Variants in HPS5 observed in about 807,000 individuals in gnomAD.
HPS5 encodes BLOC-2 complex member HPS5.
A neutral mutation model predicts 128.0 loss-of-function variants in HPS5; 83 were observed. The ratio of observed to expected loss-of-function variants is 0.65; its 90% CI spans 0.54 to 0.78. The LOEUF is 0.78. HPS5 is among the 30% of genes least tolerant of loss of function. The pLI, the probability that HPS5 is intolerant of heterozygous loss-of-function variation, is 0.00. For missense variants in HPS5, 1,281 were observed against 1,326.2 expected, an observed-to-expected ratio of 0.97 and a Z score of 0.53; for synonymous variants, 475 against 470.2, an observed-to-expected ratio of 1.01 and a Z score of -0.13.
Position 18,306,344 on chromosome 11 carries a change from T to A in HPS5, c.615A>T (p.Glu205Asp), listed in dbSNP as rs772600215. The A allele has an allele frequency of 1.5e-5, 24 of 1,610,848 alleles. No individual in the cohort carries two copies. The Admixed American group carries it at 4.0e-4, about 27-fold the overall frequency. Residue 205 changes from glutamate (E) to aspartate (D), a missense_variant, in exon 7 of 23, where the codon GAA (glutamate) becomes GAT (aspartate). Transcript: ENST00000349215. The part of the protein sequence containing the change: ...TRSFLCDTER[E>D]KFWKIGNKER... ...CCTTGTTTCCAATTTTCCAAAACTT[T>A]TCTCTAACATCCAGAAAGGAAGAGA...
intron 14 of HPS5, among the ~76,000 whole-genome samples, chr11:18,294,669 AC>A (rs1860834391): frequency 1.3e-5 from 2 of 152,196 alleles, no homozygotes; most frequent in African/African-American, 2.4e-5. Flanking sequence ...TTTATAAGCT[AC>A]ACAAACAATC....
rs751391016 is a variant in HPS5 at position 18,312,041 on chromosome 11, A to G, written c.109-17T>C. The G allele has an allele frequency of 6.4e-7, 1 of 1,570,008 alleles. No individual in the cohort carries two copies. Among genetic ancestry groups the G allele is most frequent in the East Asian group, 2.2e-5 (1 of 44,630 alleles). ...GCTCGTGCACTAAAAACATGTGAAGAGAAGTGTGAGATAATCACAGCTACT... is the reference window on the plus strand; with the variant it reads ...GCTCGTGCACTAAAAACATGTGAAGGGAAGTGTGAGATAATCACAGCTACT... On this transcript the variant is annotated splice_polypyrimidine_tract_variant and intron_variant, in intron 2 of 22. Transcript: ENST00000349215.
intron 9 of HPS5, among the ~76,000 whole-genome samples, chr11:18,299,852 T>TCA (rs1397448537): frequency 2.0e-5 from 3 of 152,188 alleles, no homozygotes; most frequent in Non-Finnish European, 4.4e-5. Flanking sequence ...GACACTATGT[T>TCA]AAGTGAAATA....
Position 18,279,489 on chromosome 11 carries a change from T to C in HPS5, c.*393A>G, listed in dbSNP as rs1858599198. Reference sequence around the variant, plus strand: ...CAGTCAATAATACCATCTGTCTTCATGTGACCAGGATGAAAAGCTTCTGCT... The same window carrying C: ...CAGTCAATAATACCATCTGTCTTCACGTGACCAGGATGAAAAGCTTCTGCT... On this transcript the variant is annotated 3_prime_UTR_variant, in exon 23 of 23. Coordinates refer to ENST00000349215, the MANE Select transcript of HPS5 (RefSeq NM_181507.2). The C allele has an allele frequency of 4.4e-6, 1 of 229,222 alleles. No homozygotes were observed. Among genetic ancestry groups the C allele is most frequent in the South Asian group, 6.3e-5 (1 of 15,750 alleles). The allele number at this position is 229,222 out of a possible 1,614,324, so 14.2% of individuals were successfully genotyped here. A position where few individuals can be genotyped will look rare whatever the true frequency, so the allele number is the denominator to read the frequency against.
At position 18,296,721 on chromosome 11, in the gene HPS5, C is replaced by G. The variant is rs763795367; in HGVS notation, c.1510+77G>C. On this transcript the variant is annotated intron_variant, in intron 12 of 22. Transcript: ENST00000349215. Reference sequence around the variant, plus strand: ...TAACACTTCAGAGAAATTCCGTGCACAAGATAATCCTGGTAACAGGAGCTC... The same window carrying G: ...TAACACTTCAGAGAAATTCCGTGCAGAAGATAATCCTGGTAACAGGAGCTC... 19 of 1,317,112 alleles carry G rather than the reference C, an allele frequency of 1.4e-5. No homozygotes were observed. In the South Asian group the frequency reaches 1.8e-4, roughly 12 times the overall value. 81.6% of individuals were successfully genotyped at this position (1,317,112 alleles called of 1,614,324 possible).
intron 2 of HPS5, among the ~76,000 whole-genome samples, chr11:18,312,293 G>T (rs1307940893): frequency 6.6e-6 from 1 of 152,200 alleles, no homozygotes; most frequent in Non-Finnish European, 1.5e-5. Flanking sequence ...GCAAACGCTG[G>T]CTGTTAAGAC....
At chr11:18,302,939 G>A (rs73430884) in intron 8 of HPS5, among the ~76,000 whole-genome samples, 2,948 of 149,858 alleles carry the variant, frequency 0.02, 103 homozygotes, top group African/African-American at 0.069. Flanking sequence ...AGATTAGATG[G>A]GGGGCTGAGG....
At chr11:18,286,894 T>C in intron 18 of HPS5, 184 bp from the exon 19 acceptor site, 2 of 582,450 alleles carry the variant, frequency 3.4e-6, no homozygotes, top group South Asian at 5.4e-5. Flanking sequence ...AAAGAAAATG[T>C]CAAAGGGCCA....
intron 20 of HPS5, among the ~76,000 whole-genome samples, chr11:18,284,417 G>T (rs141023607): frequency 7.7e-4 from 117 of 152,186 alleles, no homozygotes; most frequent in South Asian, 1.7e-3. Context: ...TCCTTTTGCT[G>T]CCCTACTAAT....
Position 18,291,735 on chromosome 11 carries a change from G to C in HPS5, c.2147C>G (p.Ser716Cys). Residue 716 changes from serine to cysteine, a missense_variant, in exon 16 of 23, where the codon TCT becomes TGT. Ser to Cys is a moderately radical substitution (Grantham distance 112). Coordinates refer to ENST00000349215, the MANE Select transcript of HPS5 (RefSeq NM_181507.2). ...ACATATTTGAAACAGGTCATCCAAAGACTCCCTTGGACTCCTTACACATTC... is the reference window on the plus strand; with the variant it reads ...ACATATTTGAAACAGGTCATCCAAACACTCCCTTGGACTCCTTACACATTC... ...ACECVRSPRESLDDLFQICSP... is the reference protein window; with the variant it reads ...ACECVRSPRECLDDLFQICSP... The C allele has an allele frequency of 6.2e-7, 1 of 1,614,164 alleles. No homozygotes were observed. The highest frequency in any genetic ancestry group is 8.5e-7 in the Non-Finnish European group (1 of 1,180,004).
Position 18,305,368 on chromosome 11 carries a change from T to C in HPS5, c.896+54A>G. The C allele has an allele frequency of 3.4e-6, 4 of 1,186,314 alleles. 1 individual carries two copies. Among genetic ancestry groups the C allele is most frequent in the South Asian group, 2.5e-5 (2 of 80,684 alleles). The allele number at this position is 1,186,314 out of a possible 1,614,324, so 73.5% of individuals were successfully genotyped here. A position where few individuals can be genotyped will look rare whatever the true frequency, so the allele number is the denominator to read the frequency against. ...ACTACTTCTGAACAAGAAACAGAGA[T>C]AAAAATCTAAGTATTCTTTTTCCCC... On this transcript the variant is annotated intron_variant, in intron 8 of 22. Transcript: ENST00000349215.
rs1274716839 is a variant in HPS5 at position 18,296,046 on chromosome 11, T to C, written c.1587A>G (p.Pro529=). The change falls in exon 13 of 23, where the codon CCA becomes CCG. Residue 529 remains proline (P), a synonymous_variant. Coordinates refer to ENST00000349215, the MANE Select transcript of HPS5 (RefSeq NM_181507.2). Reference sequence around the variant, plus strand: ...ACACAAGAGGAGATGGAGAACGAAATGGTAATGGAATGCCGAACGGGAGAA... The same window carrying C: ...ACACAAGAGGAGATGGAGAACGAAACGGTAATGGAATGCCGAACGGGAGAA... The part of the protein sequence containing the change: ...ETFLPFGIPL[P]FRSPSPLVSL... The C allele has an allele frequency of 1.9e-6, 3 of 1,613,570 alleles. No individual in the cohort carries two copies. Among genetic ancestry groups the C allele is most frequent in the Admixed American group, 3.3e-5 (2 of 60,000 alleles).
intron 13 of HPS5, among the ~76,000 whole-genome samples, chr11:18,295,590 A>G (rs1860958144): frequency 6.6e-6 from 1 of 152,250 alleles, no homozygotes; most frequent in Non-Finnish European, 1.5e-5. Flanking sequence ...TGAGCAGTTA[A>G]GTAGCTGCAC....
chr11:18,292,209 CTTTTT>C (rs5790031), intron 15 of HPS5, among the ~76,000 whole-genome samples, 190 bp from the exon 16 acceptor site: 3 of 135,768 alleles, frequency 2.2e-5, no homozygotes, highest in East Asian at 2.2e-4. Context: ...TAGTGTTTTA[CTTTTT>C]TTTTTTTTTT....
chr11:18,281,063 T>C (rs555380097), intron 22 of HPS5, among the ~76,000 whole-genome samples: 5 of 151,634 alleles, frequency 3.3e-5, no homozygotes, highest in African/African-American at 1.2e-4. Flanking sequence ...ACTGAGACAT[T>C]AGGTATCTGG....
In HPS5 at chr11:18,278,691, A is replaced by G. The variant is rs146882782; in HGVS notation, c.*1191T>C. On this transcript the variant is annotated 3_prime_UTR_variant, in exon 23 of 23. Coordinates refer to ENST00000349215, the MANE Select transcript of HPS5 (RefSeq NM_181507.2). ...AGTTGAATTGTTCAGTGCATCCAAC[A>G]CTTTACTTACTCCACACCTTTCTGC... is the stretch of plus-strand genomic sequence containing the variant. 118 of 152,342 alleles carry G rather than the reference A, an allele frequency of 7.7e-4. No individual in the cohort carries two copies. Among genetic ancestry groups the G allele is most frequent in the African/African-American group, 2.7e-3 (114 of 41,570 alleles). 9.4% of individuals were successfully genotyped at this position (152,342 alleles called of 1,614,324 possible). A position where few individuals can be genotyped will look rare whatever the true frequency, so the allele number is the denominator to read the frequency against.
rs759757206 is a variant in HPS5, at chr11:18,286,722, T to C, written c.2718-12A>G. 5.6e-6 allele frequency: 9 copies of C among 1,612,912 alleles called. No homozygotes were observed. In the South Asian group the frequency reaches 7.7e-5, roughly 14 times the overall value. On this transcript the variant is annotated splice_polypyrimidine_tract_variant and intron_variant, in intron 18 of 22. Transcript: ENST00000349215. The stretch of plus-strand genomic sequence containing the variant: ...CAAGAAAAGATGACCTAAGAGAAAG[T>C]TGGGGAAAAAAGTCACCAATCTTCA...
chr11:18,294,732 G>T (rs1339273801), intron 14 of HPS5, among the ~76,000 whole-genome samples: 1 of 151,994 alleles, frequency 6.6e-6, no homozygotes, highest in Non-Finnish European at 1.5e-5. Flanking sequence ...ATAGTCTATG[G>T]CACAGGTGTC....
rs773625878 is a variant in HPS5, at chr11:18,295,189, AAACT to A, written c.1635-24_1635-21del. ...GAAACACTAGAAGTCAAATAACAAA[AAACT>A]AACATGAATAAAAACTTATTACTGA... On this transcript the variant is annotated intron_variant, in intron 13 of 22. Transcript: ENST00000349215. The A allele has an allele frequency of 8.7e-6, 14 of 1,610,516 alleles. No individual in the cohort carries two copies. The highest frequency in any genetic ancestry group is 1.1e-5 in the Non-Finnish European group (13 of 1,177,996).
Sources: allele counts gnomAD v4.1 joint callset (sites outside exome capture counted in the v4.1 genomes callset), GRCh38; gene constraint gnomAD v4.1.1; transcripts MANE v1.5; gene names NCBI Gene and HGNC (gene_info 2026-07-23, HGNC 2026-07-21).